Variants in RNF180 observed in about 807,000 individuals in gnomAD.
RNF180 encodes ring finger protein 180, also known as E3 ubiquitin-protein ligase RNF180.
Under a neutral mutation model 59.2 loss-of-function variants are expected in RNF180, and 38 were observed. The observed-to-expected ratio is 0.64, with a 90% CI of 0.50 to 0.84. RNF180 has a LOEUF of 0.84. Among genes scored for constraint, RNF180 ranks in the 40% least tolerant of loss-of-function variants. The pLI is 0.00. For missense variants in RNF180, 705 were observed against 700.9 expected (o/e 1.01, Z -0.07); for synonymous variants, 262 against 240.3 (o/e 1.09, Z -0.84).
intron 5 of RNF180, among the ~76,000 whole-genome samples, chr5:64,248,953 A>C (rs1743372132): frequency 6.6e-6 from 1 of 152,190 alleles, no homozygotes. Flanking sequence ...TTTCCTCTCC[A>C]GGGACGAGGA....
chr5:64,343,424 G>C (rs1745437168), intron 7 of RNF180, among the ~76,000 whole-genome samples: 3 of 151,946 alleles, frequency 2.0e-5, no homozygotes, highest in Admixed American at 6.6e-5. Context: ...GGAACAAGAA[G>C]GGAATAGAAA....
chr5:64,182,645 G>A (rs1221033043), intron 1 of RNF180, among the ~76,000 whole-genome samples: 1 of 152,158 alleles, frequency 6.6e-6, no homozygotes, highest in Non-Finnish European at 1.5e-5. Flanking sequence ...ATATAGAACA[G>A]CTGTCTCCAG....
chr5:64,297,141 T>G (rs1742921773), intron 5 of RNF180, among the ~76,000 whole-genome samples: 1 of 152,048 alleles, frequency 6.6e-6, no homozygotes, highest in Non-Finnish European at 1.5e-5. Flanking sequence ...AGTAATAAAT[T>G]TAAATTACTC....
intron 2 of RNF180, among the ~76,000 whole-genome samples, chr5:64,209,316 A>G (rs1397867277): frequency 6.6e-6 from 1 of 152,056 alleles, no homozygotes; most frequent in East Asian, 1.9e-4. Context: ...TCCAAAATTT[A>G]TAGTGGGTAG....
At chr5:64,248,998 A>C (rs1390716923) in intron 5 of RNF180, among the ~76,000 whole-genome samples, 1 of 152,138 alleles carries the variant, frequency 6.6e-6, no homozygotes, top group African/African-American at 2.4e-5. Context: ...GCAGACTAAC[A>C]CAGGAATAGA....
At chr5:64,337,958 A>G (rs907818775) in intron 7 of RNF180, among the ~76,000 whole-genome samples, 4 of 152,138 alleles carry the variant, frequency 2.6e-5, no homozygotes, top group Admixed American at 6.5e-5. Context: ...TAGTGCTGCA[A>G]TAAACATACG....
chr5:64,321,228 C>T (rs1019678975), intron 5 of RNF180, among the ~76,000 whole-genome samples: 2 of 152,068 alleles, frequency 1.3e-5, no homozygotes, highest in African/African-American at 4.8e-5. Flanking sequence ...GAGAGGAAAT[C>T]AAATTGTCGC....
intron 5 of RNF180, among the ~76,000 whole-genome samples, chr5:64,252,549 C>T (rs1023699796): frequency 6.6e-6 from 1 of 151,968 alleles, no homozygotes; most frequent in Admixed American, 6.6e-5. Context: ...GGAATACATA[C>T]AAGGTTTTTT....
Position 64,212,084 on chromosome 5 carries a change from A to T in RNF180, c.155A>T (p.Asp52Val), listed in dbSNP as rs1222082370. The T allele has an allele frequency of 6.3e-7, 1 of 1,594,216 alleles. No individual in the cohort carries two copies. The change falls in exon 3 of 8, where the codon GAT (aspartate) becomes GTT (valine). Residue 52 changes from aspartate to valine, a missense_variant. Transcript: ENST00000389100. The stretch of plus-strand genomic sequence containing the variant: ...TAACAGGATAAAGATGATTCAGTTG[A>T]TGCTCAAAATATTTGTCATGTGTGG... ...QVIKDKDDSV[D>V]AQNICHVWHM...
chr5:64,195,141 A>G (rs1438479486), intron 1 of RNF180, among the ~76,000 whole-genome samples: 1 of 152,200 alleles, frequency 6.6e-6, no homozygotes, highest in Non-Finnish European at 1.5e-5. Context: ...TTCTCCTTCA[A>G]ATAAGGAAAA....
intron 1 of RNF180, among the ~76,000 whole-genome samples, chr5:64,167,866 T>A (rs916789738): frequency 6.6e-6 from 1 of 152,206 alleles, no homozygotes; most frequent in African/African-American, 2.4e-5. Flanking sequence ...AATGGTGATG[T>A]GTCCTTTCCT....
intron 7 of RNF180, among the ~76,000 whole-genome samples, chr5:64,345,200 C>T (rs1745508896): frequency 6.6e-6 from 1 of 152,168 alleles, no homozygotes; most frequent in Admixed American, 6.5e-5. Flanking sequence ...GCAAGGAGAG[C>T]TTTGAAATCG....
intron 2 of RNF180, among the ~76,000 whole-genome samples, chr5:64,210,913 A>G (rs116126406): frequency 4.1e-4 from 63 of 152,278 alleles, no homozygotes; most frequent in African/African-American, 1.5e-3. Flanking sequence ...GGAGATGGGA[A>G]GAGACCCTCA....
intron 5 of RNF180, among the ~76,000 whole-genome samples, chr5:64,282,201 T>G (rs1742047847): frequency 6.6e-6 from 1 of 152,204 alleles, no homozygotes; most frequent in African/African-American, 2.4e-5. Flanking sequence ...GTTGGTAGGC[T>G]TTTTATTACT....
chr5:64,282,127 C>T (rs1015499369), intron 5 of RNF180, among the ~76,000 whole-genome samples: 2 of 152,002 alleles, frequency 1.3e-5, no homozygotes, highest in African/African-American at 4.8e-5. Flanking sequence ...GTAATGGTAC[C>T]AGCTCCTCTT....
intron 6 of RNF180, among the ~76,000 whole-genome samples, chr5:64,329,127 T>A (rs1309178847): frequency 6.6e-6 from 1 of 152,240 alleles, no homozygotes; most frequent in Admixed American, 6.5e-5. Flanking sequence ...ACCTCAAGTA[T>A]ATAGCAATAG....
chr5:64,233,761 C>T (rs1002030721), intron 5 of RNF180, among the ~76,000 whole-genome samples: 1 of 152,044 alleles, frequency 6.6e-6, no homozygotes, highest in Non-Finnish European at 1.5e-5. Context: ...CTTTCTTGTG[C>T]GAGGTCCATT....
chr5:64,181,315 C>A (rs1750573036), intron 1 of RNF180, among the ~76,000 whole-genome samples: 1 of 152,328 alleles, frequency 6.6e-6, no homozygotes, highest in Non-Finnish European at 1.5e-5. Flanking sequence ...CAAGTTGACA[C>A]TCAGTATTAA....
intron 5 of RNF180, among the ~76,000 whole-genome samples, chr5:64,285,198 A>G (rs1057454956): frequency 2.6e-5 from 4 of 152,122 alleles, no homozygotes; most frequent in Non-Finnish European, 4.4e-5. Flanking sequence ...TGCACTGGAG[A>G]GACCAAGATG....
Sources: allele counts gnomAD v4.1 joint callset (sites outside exome capture counted in the v4.1 genomes callset), GRCh38; gene constraint gnomAD v4.1.1; transcripts MANE v1.5; gene names NCBI Gene and HGNC (gene_info 2026-07-23, HGNC 2026-07-21).